The following ZEB1 variants were observed in gnomAD, a reference collection of about 807,000 sequenced individuals.
The protein encoded by ZEB1 is zinc finger E-box binding homeobox 1.
Under a neutral mutation model 84.9 loss-of-function variants are expected in ZEB1, and 21 were observed. The ratio of observed to expected loss-of-function variants is 0.25; its 90% CI spans 0.18 to 0.36. The LOEUF is 0.36. ZEB1 is among the 10% of genes least tolerant of loss of function. The pLI, the probability that ZEB1 is intolerant of heterozygous loss-of-function variation, is 1.00. For missense variants in ZEB1, 1,104 were observed against 1,330.2 expected, an observed-to-expected ratio of 0.83 and a Z score of 2.65; for synonymous variants, 420 against 471.1, an observed-to-expected ratio of 0.89 and a Z score of 1.41.
intron 1 of ZEB1, among the ~76,000 whole-genome samples, chr10:31,345,418 A>G (rs930207101): frequency 6.6e-6 from 1 of 152,142 alleles, no homozygotes; most frequent in African/African-American, 2.4e-5. Flanking sequence ...ACTAAAATTC[A>G]TTTTGTTCTG....
intron 1 of ZEB1, among the ~76,000 whole-genome samples, chr10:31,394,975 T>C (rs1275704966): frequency 1.5e-4 from 23 of 152,188 alleles, no homozygotes; most frequent in Admixed American, 1.5e-3. Flanking sequence ...TCCTGGGTCC[T>C]GACTTGGGCA....
At chr10:31,518,603 G>GTATC (rs1342053032) in intron 6 of ZEB1, among the ~76,000 whole-genome samples, 3 of 152,128 alleles carry the variant, frequency 2.0e-5, no homozygotes, top group Non-Finnish European at 4.4e-5. Flanking sequence ...CAATGAGAAT[G>GTATC]TATCTGCATT....
chr10:31,506,273 TCA>T (rs1192330221), intron 4 of ZEB1, among the ~76,000 whole-genome samples: 2 of 152,052 alleles, frequency 1.3e-5, no homozygotes, highest in African/African-American at 4.8e-5. Context: ...TGTAAGTGTC[TCA>T]CATCCATTCG....
intron 1 of ZEB1, chr10:31,321,682 C>T: frequency 9.1e-7 from 1 of 1,104,938 alleles, no homozygotes; most frequent in South Asian, 1.3e-5. Context: ...AACATGTTTA[C>T]CTGAACAGGA....
At chr10:31,330,500 T>C (rs1295406372) in intron 1 of ZEB1, among the ~76,000 whole-genome samples, 1 of 152,218 alleles carries the variant, frequency 6.6e-6, no homozygotes, top group Non-Finnish European at 1.5e-5. Context: ...TCAAGGTTTC[T>C]TATTTCCTAC....
chr10:31,447,511 G>A (rs1028644359), intron 1 of ZEB1, among the ~76,000 whole-genome samples: 4 of 133,102 alleles, frequency 3.0e-5, no homozygotes, highest in Admixed American at 7.9e-5. Context: ...TCCTAGTCTC[G>A]ATGGTCTTTA....
At chr10:31,367,793 T>A (rs1030551393) in intron 1 of ZEB1, among the ~76,000 whole-genome samples, 1 of 152,160 alleles carries the variant, frequency 6.6e-6, no homozygotes, top group African/African-American at 2.4e-5. Context: ...CTTCAACAAC[T>A]AGACCTAAAT....
chr10:31,438,172 G>A (rs1219668191), intron 1 of ZEB1, among the ~76,000 whole-genome samples: 1 of 152,188 alleles, frequency 6.6e-6, no homozygotes, highest in Non-Finnish European at 1.5e-5. Flanking sequence ...TGCAGTAAGA[G>A]AGCAGCTTCC....
At chr10:31,488,566 T>C (rs1232506334) in intron 2 of ZEB1, among the ~76,000 whole-genome samples, 1 of 150,972 alleles carries the variant, frequency 6.6e-6, no homozygotes, top group Non-Finnish European at 1.5e-5. Context: ...TACTTCTTTC[T>C]GCTTGCTTTG....
chr10:31,377,412 C>A (rs560193368), intron 1 of ZEB1, among the ~76,000 whole-genome samples: 5 of 151,668 alleles, frequency 3.3e-5, no homozygotes, highest in Non-Finnish European at 5.9e-5. Flanking sequence ...GAACCTGTTA[C>A]AATTATGAGG....
chr10:31,345,904 T>A (rs1431772333), intron 1 of ZEB1, among the ~76,000 whole-genome samples: 5 of 152,178 alleles, frequency 3.3e-5, no homozygotes, highest in Non-Finnish European at 5.9e-5. Context: ...TGAAAAAGAT[T>A]TTTAAAAGTC....
intron 2 of ZEB1, among the ~76,000 whole-genome samples, chr10:31,476,893 C>T (rs190069575): frequency 6.6e-6 from 1 of 152,042 alleles, no homozygotes. Context: ...AAAAACTAGG[C>T]ATTGAAGGAA....
intron 1 of ZEB1, among the ~76,000 whole-genome samples, chr10:31,449,585 C>T (rs945573403): frequency 6.6e-6 from 1 of 151,826 alleles, no homozygotes; most frequent in African/African-American, 2.4e-5. Context: ...ATGCATTTTC[C>T]CCCCACTAAT....
intron 1 of ZEB1, among the ~76,000 whole-genome samples, chr10:31,458,211 C>T (rs1182500964): frequency 1.3e-5 from 2 of 151,928 alleles, no homozygotes; most frequent in African/African-American, 4.8e-5. Flanking sequence ...ATATAAATGC[C>T]AACTTAAAAT....
intron 1 of ZEB1, chr10:31,363,770 G>A (rs1276087909): frequency 1.6e-6 from 2 of 1,281,292 alleles, no homozygotes; most frequent in South Asian, 2.5e-5. Context: ...CAGACCACAG[G>A]ACGCAGGACC....
At chr10:31,336,460 A>C (rs7919137) in intron 1 of ZEB1, among the ~76,000 whole-genome samples, 43,015 of 152,146 alleles carry the variant, frequency 0.28, 14,131 homozygotes, top group African/African-American at 0.8. Context: ...GTAACACTTT[A>C]TAAAGATGAT....
At chr10:31,477,800 G>A (rs1214438515) in intron 2 of ZEB1, among the ~76,000 whole-genome samples, 1 of 151,936 alleles carries the variant, frequency 6.6e-6, no homozygotes, top group Non-Finnish European at 1.5e-5. Context: ...TGGGAAATTG[G>A]CCAACCACAT....
intron 4 of ZEB1, among the ~76,000 whole-genome samples, chr10:31,510,379 G>A (rs1243629481): frequency 6.6e-6 from 1 of 152,124 alleles, no homozygotes; most frequent in Non-Finnish European, 1.5e-5. Flanking sequence ...CATGACAAAA[G>A]GGAAGAATTA....
rs1176674156 is a variant in ZEB1, at chr10:31,528,226, T to A, written c.*962T>A. The A allele has an allele frequency of 1.3e-5, 2 of 152,212 alleles. No homozygotes were observed. The highest frequency in any genetic ancestry group is 3.8e-4 in the East Asian group (2 of 5,202). 9.4% of individuals were successfully genotyped at this position (152,212 alleles called of 1,614,324 possible). A position where few individuals can be genotyped will look rare whatever the true frequency, so the allele number is the denominator to read the frequency against. ...ACAATAACTAGCATTTGTTGATTTG[T>A]CTCTTGTATCAAAATTCCCAAATAA... is the stretch of plus-strand genomic sequence containing the variant. On this transcript the variant is annotated 3_prime_UTR_variant, in exon 9 of 9. Transcript: ENST00000424869.
Sources: gnomAD v4.1 joint callset for allele counts (sites outside exome capture counted in the v4.1 genomes callset) on GRCh38, gnomAD v4.1.1 for gene constraint, MANE v1.5 for transcripts, NCBI Gene and HGNC (gene_info 2026-07-23, HGNC 2026-07-21) for gene names.